Variants in HERC2 observed in about 807,000 individuals in gnomAD.
HERC2 encodes E3 ubiquitin-protein ligase HERC2.
In HERC2, 102 loss-of-function variants were observed where a neutral mutation model predicts 537.7. That is an observed-to-expected ratio of 0.19 (90% confidence interval 0.16 to 0.22). HERC2 has a LOEUF of 0.22. Ranked by LOEUF, HERC2 falls within the 10% of genes least tolerant of loss-of-function variation. The pLI is 1.00. For missense variants in HERC2, 4,236 were observed against 6,198.2 expected (o/e 0.68, Z 10.63); for synonymous variants, 2,224 against 2,466.2 (o/e 0.90, Z 2.91).
At position 28,281,143 on chromosome 15, in the gene HERC2, TAGTG is replaced by T. The variant is rs543177922; in HGVS notation, c.323-860_323-857del. Among the ~76,000 whole-genome samples, 66 of 152,326 alleles carry T rather than the reference TAGTG, an allele frequency of 4.3e-4. 1 individual carries two copies. Among genetic ancestry groups the T allele is most frequent in the African/African-American group, 1.5e-3 (63 of 41,578 alleles). On this transcript the variant is annotated intron_variant, in intron 4 of 92. Transcript: ENST00000261609. ...AACAAGTTAGAATACACATTCTAAC[TAGTG>T]AGTAAGTGATATTTCATTATATTAT...
chr15:28,221,795 G>A (rs1466513944), intron 36 of HERC2, among the ~76,000 whole-genome samples: 1 of 151,306 alleles, frequency 6.6e-6, no homozygotes, highest in African/African-American at 2.4e-5. Context: ...CCTCATGCCA[G>A]TGAGTTTCCT....
chr15:28,157,536 G>A (rs1204206311), intron 69 of HERC2, among the ~76,000 whole-genome samples: 2 of 152,184 alleles, frequency 1.3e-5, no homozygotes, highest in Non-Finnish European at 2.9e-5. Flanking sequence ...TTGTGTAGAG[G>A]TGTTTGTAGT....
At chr15:28,120,487 C>T (rs886267124) in intron 86 of HERC2, among the ~76,000 whole-genome samples, 11 of 152,176 alleles carry the variant, frequency 7.2e-5, no homozygotes, top group Admixed American at 1.3e-4. Context: ...AAGTTCTGCA[C>T]GCTATCATCA....
At chr15:28,321,209 CTG>C (rs1168917766) in intron 2 of HERC2, among the ~76,000 whole-genome samples, 151 bp downstream of exon 2, 15 of 152,196 alleles carry the variant, frequency 9.9e-5, no homozygotes, top group African/African-American at 3.1e-4. Context: ...GCCATAAAGA[CTG>C]TTACATTTTA....
Position 28,246,047 on chromosome 15 carries a change from T to C in HERC2, c.3411A>G (p.Leu1137=), listed in dbSNP as rs1198913422. The C allele has an allele frequency of 1.9e-6, 3 of 1,607,980 alleles. No individual in the cohort carries two copies. The highest frequency in any genetic ancestry group is 2.7e-5 in the African/African-American group (2 of 74,718). Residue 1137 remains leucine (L), a synonymous_variant, in exon 23 of 93, where the codon CTA becomes CTG. Transcript: ENST00000261609. ...GDFTGVLLPE[L]VVSIVLLLSK... ...TGAGCAGAAGCACTATAGAAACTAC[T>C]AGTTCTGGAAGGAGAACACCTACAT...
At chr15:28,216,442 G>A (rs574151118) in intron 38 of HERC2, among the ~76,000 whole-genome samples, 28 of 150,202 alleles carry the variant, frequency 1.9e-4, no homozygotes, top group Admixed American at 5.3e-4. Flanking sequence ...CCTCTGCTCC[G>A]CCTGGCTCCA....
chr15:28,228,448 G>A, intron 34 of HERC2, 39 bp from the exon 35 acceptor site: 1 of 1,567,676 alleles, frequency 6.4e-7, no homozygotes, highest in Non-Finnish European at 8.8e-7. Context: ...TCTTGTGATG[G>A]ATACAAGAAT....
chr15:28,212,501 G>A lies in HERC2; in HGVS notation c.6869C>T (p.Ala2290Val). The A allele has an allele frequency of 6.3e-7, 1 of 1,591,190 alleles. No individual in the cohort carries two copies. Among genetic ancestry groups the A allele is most frequent in the Non-Finnish European group, 8.6e-7 (1 of 1,161,604 alleles). Residue 2290 changes from alanine (A) to valine (V), a missense_variant, in exon 43 of 93, where the codon GCT becomes GTT. By Grantham distance (64) the Ala-to-Val change is moderately conservative (BLOSUM62 0). Around this residue, in one of 27 missense-constraint regions of HERC2, gnomAD observed 67 missense variants for 140.1 expected, o/e 0.48. Transcript: ENST00000261609. The part of the protein sequence containing the change: ...LSVWAQLVNL[A>V]GSKLEKHKIK... ...TTTGTGCTTTTCTAACTTGCTTCCA[G>A]CGAGGTTCACCAACTGAGCCCAGAC...
Position 28,263,087 on chromosome 15 carries a change from A to C in HERC2, c.1953T>G (p.Ile651Met). The C allele has an allele frequency of 6.2e-7, 1 of 1,614,184 alleles. No homozygotes were observed. The highest frequency in any genetic ancestry group is 8.5e-7 in the Non-Finnish European group (1 of 1,180,036). ...GSDGCKTPKL[I>M]EKLQDLDVVK... ...CCACATCCAAGTCTTGAAGCTTTTCAATCAGCTTTGGGGTTTTGCAGCCAT... is the reference window on the plus strand; with the variant it reads ...CCACATCCAAGTCTTGAAGCTTTTCCATCAGCTTTGGGGTTTTGCAGCCAT... Residue 651 changes from isoleucine to methionine, a missense_variant, in exon 15 of 93, where the codon ATT becomes ATG. Physicochemically the swap from Ile to Met is conservative, Grantham distance 10 (BLOSUM62 1). Around this residue, in one of 27 missense-constraint regions of HERC2, gnomAD observed 754 missense variants for 1,085.0 expected, o/e 0.69. Coordinates refer to ENST00000261609, the MANE Select transcript of HERC2 (RefSeq NM_004667.6).
intron 4 of HERC2, among the ~76,000 whole-genome samples, chr15:28,287,401 C>T (rs2076185691): frequency 6.6e-6 from 1 of 152,170 alleles, no homozygotes; most frequent in African/African-American, 2.4e-5. Context: ...GCAAGCAGAG[C>T]TTCCAAGTAA....
chr15:28,124,081 C>A lies in HERC2; in HGVS notation c.13144G>T (p.Val4382Phe). The A allele has an allele frequency of 1.2e-6, 2 of 1,607,842 alleles. No individual in the cohort carries two copies. Among genetic ancestry groups the A allele is most frequent in the Non-Finnish European group, 1.7e-6 (2 of 1,177,000 alleles). Residue 4382 changes from valine (V) to phenylalanine (F), a missense_variant, in exon 85 of 93, where the codon GTT (valine) becomes TTT (phenylalanine). Coordinates refer to ENST00000261609, the MANE Select transcript of HERC2 (RefSeq NM_004667.6). ...SLDETGLGPS[V>F]GFDTLRGILI... ...ATTCCTCGGAGAGTGTCGAACCCAA[C>A]AGAAGGCCCGAGTCCAGTTTCGTCG...
chr15:28,195,492 G>A (rs1300527709), intron 52 of HERC2, among the ~76,000 whole-genome samples: 1 of 152,046 alleles, frequency 6.6e-6, no homozygotes, highest in African/African-American at 2.4e-5. Context: ...TGCATACAGT[G>A]GAATATTATT....
intron 2 of HERC2, among the ~76,000 whole-genome samples, chr15:28,308,294 TATTTA>T (rs1379288982): frequency 6.6e-6 from 1 of 152,228 alleles, no homozygotes; most frequent in African/African-American, 2.4e-5. Context: ...ACTTCCCAGG[TATTTA>T]ATTTCATGTG....
intron 12 of HERC2, among the ~76,000 whole-genome samples, chr15:28,266,529 C>A (rs2075572607): frequency 6.6e-6 from 1 of 152,012 alleles, no homozygotes; most frequent in African/African-American, 2.4e-5. Flanking sequence ...AAAAAAGAGA[C>A]TTGTAAAGTC....
intron 50 of HERC2, among the ~76,000 whole-genome samples, 164 bp downstream of exon 50, chr15:28,198,214 G>C (rs1454913421): frequency 6.6e-6 from 1 of 152,186 alleles, no homozygotes; most frequent in African/African-American, 2.4e-5. Flanking sequence ...CTGCAGGTGA[G>C]TTCCTCTGTG....
intron 71 of HERC2, among the ~76,000 whole-genome samples, chr15:28,145,889 C>T (rs1207354581): frequency 6.6e-6 from 1 of 152,208 alleles, no homozygotes; most frequent in Non-Finnish European, 1.5e-5. Flanking sequence ...CATGCCCTCA[C>T]TGCAGCCAGT....
intron 6 of HERC2, among the ~76,000 whole-genome samples, 153 bp from the exon 7 acceptor site, chr15:28,274,600 G>A (rs1350290227): frequency 6.6e-6 from 1 of 152,210 alleles, no homozygotes; most frequent in Non-Finnish European, 1.5e-5. Flanking sequence ...TCAATTCTGT[G>A]TTTCACGGCT....
intron 43 of HERC2, among the ~76,000 whole-genome samples, chr15:28,211,967 G>A (rs1350305084): frequency 6.6e-6 from 1 of 152,182 alleles, no homozygotes; most frequent in Non-Finnish European, 1.5e-5. Flanking sequence ...AAACTCAGGA[G>A]AGCCGCATTC....
chr15:28,320,557 T>C (rs1468156752), intron 2 of HERC2: 2 of 152,060 alleles, frequency 1.3e-5, no homozygotes, highest in African/African-American at 2.4e-5. Flanking sequence ...TACACGACTT[T>C]TGATGAACAG....
Sources: allele counts gnomAD v4.1 joint callset (sites outside exome capture counted in the v4.1 genomes callset), GRCh38; gene constraint gnomAD v4.1.1; regional missense constraint gnomAD v4.1.1; transcripts MANE v1.5; gene names NCBI Gene and HGNC (gene_info 2026-07-23, HGNC 2026-07-21).